The following AP1M1 variants were observed in gnomAD, a reference collection of about 807,000 sequenced individuals.
AP1M1 encodes adaptor related protein complex 1 subunit mu 1.
A neutral mutation model predicts 57.1 loss-of-function variants in AP1M1; 18 were observed. That is an observed-to-expected ratio of 0.32 (90% CI 0.22 to 0.47). AP1M1 has a LOEUF of 0.47. Ranked by LOEUF, AP1M1 falls within the 20% of genes least tolerant of loss-of-function variation. AP1M1 has a pLI of 1.00. For synonymous variants in AP1M1, 241 were observed against 237.9 expected (o/e 1.01, Z -0.12); for missense variants, 362 against 593.5 (o/e 0.61, Z 4.05).
chr19:16,233,756 A>C, intron 10 of AP1M1, 138 bp downstream of exon 10: 1 of 1,216,124 alleles, frequency 8.2e-7, no homozygotes, highest in Non-Finnish European at 1.1e-6. Context: ...CTGCCTCCCC[A>C]CAGACAGGGT....
rs1014731757 is a variant in AP1M1, at chr19:16,239,636, T to G, written c.*5201T>G. 2.6e-5 allele frequency: 4 copies of G among 151,710 alleles called. No individual in the cohort carries two copies. Among genetic ancestry groups the G allele is most frequent in the African/African-American group, 9.7e-5 (4 of 41,296 alleles). The allele number at this position is 151,710 out of a possible 1,614,324, so 9.4% of individuals were successfully genotyped here. The stretch of plus-strand genomic sequence containing the variant: ...GATTGCTACTAAAAATACAAAAGAA[T>G]TAGCTGGGCGTAGTGGCTCATACCT... On this transcript the variant is annotated 3_prime_UTR_variant, in exon 12 of 12. Coordinates refer to ENST00000291439, the MANE Select transcript of AP1M1 (RefSeq NM_032493.4).
At chr19:16,198,216 TC>T in intron 1 of AP1M1, 148 bp downstream of exon 1, 1 of 754,682 alleles carries the variant, frequency 1.3e-6, no homozygotes, top group South Asian at 2.2e-5. Context: ...GAGAGCCCCA[TC>T]CTGTTTCTGG....
rs2091631743 is a variant in AP1M1 at position 16,238,028 on chromosome 19, T to TG, written c.*3597dup. The TG allele has an allele frequency of 6.6e-6, 1 of 152,052 alleles. No homozygotes were observed. Among genetic ancestry groups the TG allele is most frequent in the Admixed American group, 6.6e-5 (1 of 15,264 alleles). 9.4% of individuals were successfully genotyped at this position (152,052 alleles called of 1,614,324 possible). On this transcript the variant is annotated 3_prime_UTR_variant, in exon 12 of 12. Transcript: ENST00000291439. The stretch of plus-strand genomic sequence containing the variant: ...CAATTTTTCATATTTTTTATAGAGA[T>TG]GGGGTCTCGTCATTTTGTCCACACT...
intron 9 of AP1M1, among the ~76,000 whole-genome samples, 171 bp downstream of exon 9, chr19:16,229,099 A>G (rs1253514230): frequency 6.6e-6 from 1 of 152,188 alleles, no homozygotes; most frequent in African/African-American, 2.4e-5. Context: ...AGTGGGAGGA[A>G]GCAGAGGCTG....
At position 16,203,681 on chromosome 19, in the gene AP1M1, C is replaced by T. The variant is rs759930813; in HGVS notation, c.199+66C>T. ...GGGTGTTGGTGTGTGTGCATATCCA[C>T]ACGCCTGCAAGCAGGGCTGGTTTGT... On this transcript the variant is annotated intron_variant, in intron 2 of 11. Transcript: ENST00000291439. This position sits in a 1 kb window ranked among gnomAD's most constrained non-coding sequence, Gnocchi z 4.6. 6.6e-7 allele frequency: 1 copy of T among 1,510,052 alleles called. No homozygotes were observed. 93.5% of individuals were successfully genotyped at this position (1,510,052 alleles called of 1,614,324 possible).
chr19:16,223,547 G>A (rs1007688584), intron 5 of AP1M1, among the ~76,000 whole-genome samples: 1 of 152,230 alleles, frequency 6.6e-6, no homozygotes, highest in Non-Finnish European at 1.5e-5. Flanking sequence ...CGGAACAGTA[G>A]CTGGCACCAC....
chr19:16,231,286 T>TC (rs2091595416), intron 9 of AP1M1, among the ~76,000 whole-genome samples: 1 of 35,350 alleles, frequency 2.8e-5, no homozygotes, highest in African/African-American at 1.4e-4. Context: ...AGACTCTGTC[T>TC]CAAAAAAAAA....
intron 1 of AP1M1, among the ~76,000 whole-genome samples, chr19:16,200,315 G>A (rs1370211567): frequency 6.6e-6 from 1 of 152,172 alleles, no homozygotes; most frequent in Admixed American, 6.5e-5. Flanking sequence ...GGTTTGGAAG[G>A]CACGATCATG....
chr19:16,225,941 G>A (rs1177234757), intron 5 of AP1M1, among the ~76,000 whole-genome samples: 3 of 152,152 alleles, frequency 2.0e-5, no homozygotes, highest in Non-Finnish European at 4.4e-5. Flanking sequence ...CCCATCGGCT[G>A]AGCAGGGACC....
At chr19:16,233,910 G>T (rs1014658669) in intron 10 of AP1M1, 1 of 552,138 alleles carries the variant, frequency 1.8e-6, no homozygotes, top group Non-Finnish European at 3.2e-6. Context: ...CCCACAGAGG[G>T]AGGAGAGGCT....
intron 9 of AP1M1, among the ~76,000 whole-genome samples, chr19:16,230,424 G>A (rs896221021): frequency 2.8e-5 from 4 of 141,192 alleles, no homozygotes; most frequent in African/African-American, 1.0e-4. Flanking sequence ...TTTTTGAGAC[G>A]GAGTCTCGCT....
At chr19:16,233,728 CTGCTG>C in intron 10 of AP1M1, 110 bp downstream of exon 10, 1 of 1,386,992 alleles carries the variant, frequency 7.2e-7, no homozygotes. Context: ...AATCAGGACC[CTGCTG>C]TGCTGTGGGC....
intron 9 of AP1M1, among the ~76,000 whole-genome samples, chr19:16,232,257 C>T (rs1289505597): frequency 6.6e-6 from 1 of 152,200 alleles, no homozygotes; most frequent in African/African-American, 2.4e-5. Flanking sequence ...CCGGGGAGCC[C>T]TTCTCACTGT....
chr19:16,226,411 C>A lies in AP1M1; in HGVS notation c.547-10C>A, dbSNP rs947084626. On this transcript the variant is annotated splice_polypyrimidine_tract_variant and intron_variant, in intron 5 of 11. Coordinates refer to ENST00000291439, the MANE Select transcript of AP1M1 (RefSeq NM_032493.4). Reference sequence around the variant, plus strand: ...GGGACCTCCCCTCACGCCCACACCGCCACCCCCAGGTCAGCGCCAACGGCA... The same window carrying A: ...GGGACCTCCCCTCACGCCCACACCGACACCCCCAGGTCAGCGCCAACGGCA... The A allele has an allele frequency of 3.3e-6, 5 of 1,525,238 alleles. No individual in the cohort carries two copies. The highest frequency in any genetic ancestry group is 3.4e-4 in the Middle Eastern group (2 of 5,896). 94.5% of individuals were successfully genotyped at this position (1,525,238 alleles called of 1,614,324 possible). A position where few individuals can be genotyped will look rare whatever the true frequency, so the allele number is the denominator to read the frequency against.
At position 16,244,327 on chromosome 19, in the gene AP1M1, A is replaced by G. The variant is rs1177857437; in HGVS notation, c.*9892A>G. On this transcript the variant is annotated 3_prime_UTR_variant, in exon 12 of 12. Transcript: ENST00000291439. ...AGTTTGCCAGCAGCAGGCTAACACT[A>G]AAGAAAATTGTAAACAGTGTACTCA... 6.6e-6 allele frequency: 1 copy of G among 152,254 alleles called. No individual in the cohort carries two copies. Among genetic ancestry groups the G allele is most frequent in the Non-Finnish European group, 1.5e-5 (1 of 68,042 alleles). The allele number at this position is 152,254 out of a possible 1,614,324, so 9.4% of individuals were successfully genotyped here.
chr19:16,228,652 G>A lies in AP1M1; in HGVS notation c.889-118G>A. On this transcript the variant is annotated intron_variant, in intron 8 of 11. Transcript: ENST00000291439. The surrounding 1 kb of genome is among the most constrained non-coding windows in gnomAD (Gnocchi z 5.0). ...GGGTGGGTAGTGCCTGGAGAAGTGG[G>A]GCCAGGGGCGGGGCTAGGGAGGATC... 1 of 1,140,152 alleles carries A rather than the reference G, an allele frequency of 8.8e-7. No individual in the cohort carries two copies. Among genetic ancestry groups the A allele is most frequent in the Non-Finnish European group, 1.3e-6 (1 of 797,706 alleles). The allele number at this position is 1,140,152 out of a possible 1,614,324, so 70.6% of individuals were successfully genotyped here.
At position 16,240,179 on chromosome 19, in the gene AP1M1, C is replaced by T. The variant is rs2091639899; in HGVS notation, c.*5744C>T. Reference sequence around the variant, plus strand: ...ATTTTATATAAAAGACTTGAGCATCCTCAGATTTTGGTATCCAAGGGGAGT... The same window carrying T: ...ATTTTATATAAAAGACTTGAGCATCTTCAGATTTTGGTATCCAAGGGGAGT... On this transcript the variant is annotated 3_prime_UTR_variant, in exon 12 of 12. Coordinates refer to ENST00000291439, the MANE Select transcript of AP1M1 (RefSeq NM_032493.4). The T allele has an allele frequency of 6.6e-6, 1 of 151,654 alleles. No individual in the cohort carries two copies. Among genetic ancestry groups the T allele is most frequent in the Admixed American group, 6.6e-5 (1 of 15,212 alleles). The allele number at this position is 151,654 out of a possible 1,614,324, so 9.4% of individuals were successfully genotyped here.
chr19:16,213,306 T>A (rs2145123269), intron 5 of AP1M1, among the ~76,000 whole-genome samples: 1 of 152,330 alleles, frequency 6.6e-6, no homozygotes, highest in Middle Eastern at 3.4e-3. Flanking sequence ...GTTAGTTAGA[T>A]CTTGTTGAAT....
rs2091644050 is a variant in AP1M1, at chr19:16,241,103, A to C, written c.*6668A>C. 6.6e-6 allele frequency: 1 copy of C among 151,702 alleles called. No individual in the cohort carries two copies. Among genetic ancestry groups the C allele is most frequent in the South Asian group, 2.1e-4 (1 of 4,796 alleles). 9.4% of individuals were successfully genotyped at this position (151,702 alleles called of 1,614,324 possible). A position where few individuals can be genotyped will look rare whatever the true frequency, so the allele number is the denominator to read the frequency against. Reference sequence around the variant, plus strand: ...TGGGAGGCCGAGGCGGGCAGAGGTCAGGAGTTTGAGACCAGCCGGACCAAC... The same window carrying C: ...TGGGAGGCCGAGGCGGGCAGAGGTCCGGAGTTTGAGACCAGCCGGACCAAC... On this transcript the variant is annotated 3_prime_UTR_variant, in exon 12 of 12. Coordinates refer to ENST00000291439, the MANE Select transcript of AP1M1 (RefSeq NM_032493.4).
Sources: gnomAD v4.1 joint callset for allele counts (sites outside exome capture counted in the v4.1 genomes callset) on GRCh38, gnomAD v4.1.1 for gene constraint, Gnocchi (gnomAD v3.1) non-coding constraint, MANE v1.5 for transcripts, NCBI Gene and HGNC (gene_info 2026-07-23, HGNC 2026-07-21) for gene names.